Variants in MTUS2 observed in about 807,000 individuals in gnomAD.
The protein encoded by MTUS2 is microtubule-associated tumor suppressor candidate 2.
Under a neutral mutation model 114.1 loss-of-function variants are expected in MTUS2, and 40 were observed. That is an observed-to-expected ratio of 0.35 (90% CI 0.27 to 0.46). The LOEUF (loss-of-function observed/expected upper bound fraction) is 0.46, where lower values mean the gene tolerates loss of function less well. Ranked by LOEUF, MTUS2 falls within the 20% of genes least tolerant of loss-of-function variation. MTUS2 has a pLI of 1.00. For synonymous variants in MTUS2, 688 were observed against 672.0 expected, an observed-to-expected ratio of 1.02 and a Z score of -0.37; for missense variants, 1,679 against 1,705.4, an observed-to-expected ratio of 0.98 and a Z score of 0.27.
intron 4 of MTUS2, among the ~76,000 whole-genome samples, chr13:29,061,381 G>A (rs1042279778): frequency 6.6e-6 from 1 of 152,190 alleles, no homozygotes; most frequent in African/African-American, 2.4e-5. Context: ...ATCAGCCTGT[G>A]TGAGTTCTGG....
At chr13:29,131,685 C>A (rs944082521) in intron 5 of MTUS2, among the ~76,000 whole-genome samples, 9 of 152,264 alleles carry the variant, frequency 5.9e-5, no homozygotes, top group African/African-American at 2.2e-4. Context: ...CACTCTTTAG[C>A]TAAAGAAGCC....
rs150751045 is a variant in MTUS2 at position 29,360,102 on chromosome 13, C to T, written c.3117+629C>T. Among the ~76,000 whole-genome samples, 88 of 152,334 alleles carry T rather than the reference C, an allele frequency of 5.8e-4. No homozygotes were observed. The East Asian group carries it at 0.015, about 26-fold the overall frequency. The stretch of plus-strand genomic sequence containing the variant: ...CCATGGAGCAGATAAGCATCCCAGC[C>T]TTTCCCCAGGGAACAGAGGTGGGAG... On this transcript the variant is annotated intron_variant, in intron 8 of 15. Coordinates refer to ENST00000612955, the MANE Select transcript of MTUS2 (RefSeq NM_001033602.4).
chr13:29,432,466 A>G (rs1368852442), intron 8 of MTUS2, among the ~76,000 whole-genome samples: 1 of 152,240 alleles, frequency 6.6e-6, no homozygotes, highest in African/African-American at 2.4e-5. Flanking sequence ...AATACGAAAT[A>G]TAACTGACAA....
intron 5 of MTUS2, among the ~76,000 whole-genome samples, chr13:29,274,145 G>A (rs968238864): frequency 2.6e-5 from 4 of 151,710 alleles, no homozygotes; most frequent in African/African-American, 4.8e-5. Context: ...ACAGAGTCTC[G>A]CTCTGTCACC....
intron 5 of MTUS2, among the ~76,000 whole-genome samples, chr13:29,109,822 A>G (rs1395019028): frequency 6.6e-6 from 1 of 152,212 alleles, no homozygotes; most frequent in Admixed American, 6.5e-5. Flanking sequence ...TGTATCTGTG[A>G]TGGAGTAAAG....
intron 7 of MTUS2, among the ~76,000 whole-genome samples, chr13:29,337,693 C>G (rs1376095378): frequency 6.6e-6 from 1 of 151,766 alleles, no homozygotes; most frequent in Non-Finnish European, 1.5e-5. Context: ...TCTCTGCCTC[C>G]CGGGTTCAAG....
intron 5 of MTUS2, among the ~76,000 whole-genome samples, chr13:29,207,740 T>C (rs188990459): frequency 1.3e-5 from 2 of 152,342 alleles, no homozygotes; most frequent in Non-Finnish European, 2.9e-5. Flanking sequence ...GACTTGCGTA[T>C]ATTAAACCAT....
chr13:29,490,330 C>T (rs1426285224), intron 11 of MTUS2, among the ~76,000 whole-genome samples: 1 of 152,166 alleles, frequency 6.6e-6, no homozygotes, highest in African/African-American at 2.4e-5. Context: ...GCACACGCCA[C>T]CCAGAATGGT....
intron 5 of MTUS2, among the ~76,000 whole-genome samples, chr13:29,235,243 G>A (rs1342764469): frequency 2.0e-5 from 3 of 151,986 alleles, no homozygotes; most frequent in Admixed American, 6.6e-5. Flanking sequence ...ATAGGCATGC[G>A]CCACCACGCC....
At chr13:28,870,478 A>G (rs918204508) in intron 2 of MTUS2, among the ~76,000 whole-genome samples, 4 of 152,140 alleles carry the variant, frequency 2.6e-5, no homozygotes, top group African/African-American at 9.7e-5. Flanking sequence ...TTTTCAGTGA[A>G]GTTCTCTGGT....
intron 4 of MTUS2, among the ~76,000 whole-genome samples, chr13:29,036,135 C>T (rs1318388260): frequency 9.4e-6 from 1 of 105,958 alleles, no homozygotes; most frequent in Non-Finnish European, 1.8e-5. Context: ...CAGAGTGAGA[C>T]TGTCTCAAAA....
intron 5 of MTUS2, among the ~76,000 whole-genome samples, chr13:29,119,894 C>A (rs1378824066): frequency 6.6e-6 from 1 of 152,000 alleles, no homozygotes; most frequent in Non-Finnish European, 1.5e-5. Flanking sequence ...GAGTTTGACA[C>A]AAAATTAACA....
At chr13:29,168,350 C>G (rs1593550735) in intron 5 of MTUS2, among the ~76,000 whole-genome samples, 1 of 152,144 alleles carries the variant, frequency 6.6e-6, no homozygotes, top group Admixed American at 6.5e-5. Context: ...ATTAATGTTC[C>G]ATCTAACATT....
rs78341532 is a variant in MTUS2, at chr13:28,877,357, C to G, written c.-243+37507C>G. ...AGAAAAACAGAACTTATTTAAGTAGCCCGTTGTTATTTCGCTATTAATGGA... is the reference window on the plus strand; with the variant it reads ...AGAAAAACAGAACTTATTTAAGTAGGCCGTTGTTATTTCGCTATTAATGGA... On this transcript the variant is annotated intron_variant, in intron 2 of 15. Transcript: ENST00000612955. Among the ~76,000 whole-genome samples the G allele has an allele frequency of 8.1e-4, 122 of 151,256 alleles. No homozygotes were observed. The East Asian group carries it at 0.022, about 28-fold the overall frequency.
At chr13:28,993,550 G>A (rs1884954711) in intron 2 of MTUS2, among the ~76,000 whole-genome samples, 1 of 152,108 alleles carries the variant, frequency 6.6e-6, no homozygotes, top group South Asian at 2.1e-4. Flanking sequence ...GAGGTCTTAT[G>A]TTTAAATCTT....
rs568234686 is a variant in MTUS2 at position 28,919,349 on chromosome 13, T to C, written c.-243+79499T>C. 2.4e-4 allele frequency among the ~76,000 whole-genome samples: 36 copies of C among 152,312 alleles called. No homozygotes were observed. In the Middle Eastern group the frequency reaches 0.01, roughly 43 times the overall value. ...ATATTTTTTGCCAGATATACTATTG[T>C]AGGGTAAAAGTTTTTTTTCCCTTCA... On this transcript the variant is annotated intron_variant, in intron 2 of 15. Coordinates refer to ENST00000612955, the MANE Select transcript of MTUS2 (RefSeq NM_001033602.4).
intron 5 of MTUS2, among the ~76,000 whole-genome samples, chr13:29,182,336 G>A (rs1894041471): frequency 6.6e-6 from 1 of 152,208 alleles, no homozygotes; most frequent in Non-Finnish European, 1.5e-5. Flanking sequence ...AGTCTCCACT[G>A]ATGACTGGTG....
At chr13:28,906,004 T>G (rs2137984042) in intron 2 of MTUS2, among the ~76,000 whole-genome samples, 1 of 151,786 alleles carries the variant, frequency 6.6e-6, no homozygotes, top group East Asian at 1.9e-4. Context: ...TGTCGAGGAA[T>G]TTATCCATTT....
intron 8 of MTUS2, among the ~76,000 whole-genome samples, chr13:29,387,686 C>A (rs1014494295): frequency 2.0e-5 from 3 of 152,068 alleles, no homozygotes; most frequent in Non-Finnish European, 2.9e-5. Context: ...TTAGGAGACA[C>A]GTGTGTGGGA....
Sources: allele counts gnomAD v4.1 joint callset (sites outside exome capture counted in the v4.1 genomes callset), GRCh38; gene constraint gnomAD v4.1.1; transcripts MANE v1.5; gene names NCBI Gene and HGNC (gene_info 2026-07-23, HGNC 2026-07-21).